The following STK32C variants were observed in gnomAD, a reference collection of about 807,000 sequenced individuals.
STK32C encodes the protein serine/threonine-protein kinase 32C.
STK32C carries 31 observed loss-of-function variants against 56.5 expected under a neutral mutation model. The observed-to-expected ratio is 0.55, with a 90% CI of 0.41 to 0.74. The LOEUF (loss-of-function observed/expected upper bound fraction) is 0.74, where lower values mean the gene tolerates loss of function less well. STK32C is among the 30% of genes least tolerant of loss of function. The pLI, the probability that STK32C is intolerant of heterozygous loss-of-function variation, is 0.00. For synonymous variants in STK32C, 309 were observed against 289.4 expected (o/e 1.07, Z -0.69); for missense variants, 544 against 676.9 (o/e 0.80, Z 2.18).
At chr10:132,284,685 C>G in intron 1 of STK32C, among the ~76,000 whole-genome samples, 1 of 151,228 alleles carries the variant, frequency 6.6e-6, no homozygotes, top group South Asian at 2.1e-4. Flanking sequence ...AACACATTCC[C>G]ACATCTGCCC....
Position 132,225,559 on chromosome 10 carries a change from G to A in STK32C, c.740C>T (p.Ala247Val), listed in dbSNP as rs201147807. ...CGGCTTGGTGCCTGCTAATGCCGTC[G>A]CCCGCTCCCCGTCCTTGATGATGGT... ...IATIIKDGER[A>V]TALAGTKPYM... Residue 247 changes from alanine (A) to valine (V), a missense_variant, in exon 6 of 12, where the codon GCG becomes GTG. By Grantham distance (64) the Ala-to-Val change is moderately conservative. This residue lies in a region of STK32C where 85 missense variants were observed against 149.9 expected (regional missense o/e 0.57). Coordinates refer to ENST00000298630, the MANE Select transcript of STK32C (RefSeq NM_173575.4). 38 of 1,613,798 alleles carry A rather than the reference G, an allele frequency of 2.4e-5. No individual in the cohort carries two copies. Among genetic ancestry groups the A allele is most frequent in the East Asian group, 4.5e-5 (2 of 44,878 alleles).
At chr10:132,311,512 A>C (rs567039858), upstream of STK32C, among the ~76,000 whole-genome samples, 1 of 152,324 alleles carries the variant, frequency 6.6e-6, no homozygotes, top group South Asian at 2.1e-4. The surrounding 1 kb of genome is among the most constrained non-coding windows in gnomAD (Gnocchi z 4.4). Context: ...CTTGGTTGCT[A>C]TGGTGACAGT....
At chr10:132,234,348 G>A (rs192402924) in intron 2 of STK32C, among the ~76,000 whole-genome samples, 17 of 152,264 alleles carry the variant, frequency 1.1e-4, no homozygotes, top group East Asian at 5.8e-4. Flanking sequence ...GCACCTCCAC[G>A]TCCCTTCCTC....
chr10:132,265,665 A>C (rs1478755585), intron 1 of STK32C, among the ~76,000 whole-genome samples: 2 of 152,244 alleles, frequency 1.3e-5, no homozygotes, highest in African/African-American at 4.8e-5. Flanking sequence ...GGCACACACA[A>C]GGCAGTAATA....
chr10:132,228,357 G>C (rs1453274288), intron 2 of STK32C, among the ~76,000 whole-genome samples: 1 of 152,162 alleles, frequency 6.6e-6, no homozygotes, highest in Non-Finnish European at 1.5e-5. Context: ...TGGAGGCCGT[G>C]ATTCTGCCCC....
intron 1 of STK32C, among the ~76,000 whole-genome samples, chr10:132,258,195 G>T (rs2064189664): frequency 6.6e-6 from 1 of 152,248 alleles, no homozygotes; most frequent in Non-Finnish European, 1.5e-5. Context: ...TCCTGGATCT[G>T]CAGTGGACAG....
exon 1 of STK32C, chr10:132,331,622 G>A (rs1410646623): frequency 1.2e-6 from 2 of 1,612,776 alleles, no homozygotes; most frequent in East Asian, 2.2e-5. Flanking sequence ...GGGAAGGACA[G>A]GCAGCGAGGA....
At chr10:132,267,205 A>C (rs1203564610) in intron 1 of STK32C, among the ~76,000 whole-genome samples, 3 of 152,236 alleles carry the variant, frequency 2.0e-5, no homozygotes, top group African/African-American at 7.2e-5. Context: ...CTTTAGAAGC[A>C]GCAAGCCCAG....
chr10:132,253,852 C>T (rs978593606), intron 1 of STK32C, among the ~76,000 whole-genome samples: 1 of 152,364 alleles, frequency 6.6e-6, no homozygotes. Context: ...AAATGATCTG[C>T]CCTCCCGTGT....
chr10:132,321,876 G>A (rs957660177), downstream of STK32C, among the ~76,000 whole-genome samples: 8 of 152,186 alleles, frequency 5.3e-5, no homozygotes, highest in African/African-American at 1.4e-4. Context: ...GCATGATCCC[G>A]CGGGGCACAT....
At chr10:132,243,097 G>A (rs1227574277) in intron 2 of STK32C, among the ~76,000 whole-genome samples, 2 of 152,190 alleles carry the variant, frequency 1.3e-5, no homozygotes, top group African/African-American at 4.8e-5. Context: ...AGACCCTGGG[G>A]CAGCGACCTC....
At chr10:132,242,665 C>T (rs1039846382) in intron 2 of STK32C, among the ~76,000 whole-genome samples, 1 of 152,224 alleles carries the variant, frequency 6.6e-6, no homozygotes, top group African/African-American at 2.4e-5. Context: ...CCCCCCGCGC[C>T]CCCTTCTCCC....
intron 1 of STK32C, among the ~76,000 whole-genome samples, chr10:132,279,589 C>T (rs1457974754): frequency 5.3e-5 from 8 of 151,882 alleles, no homozygotes; most frequent in Admixed American, 5.2e-4. Context: ...CATGCCCACC[C>T]GCACTCCATG....
intron 10 of STK32C, among the ~76,000 whole-genome samples, chr10:132,217,796 T>TCCTC (rs1290472561): frequency 3.3e-5 from 5 of 152,172 alleles, no homozygotes; most frequent in Non-Finnish European, 7.3e-5. Context: ...TGTGACTTTC[T>TCCTC]CCTCCTTGCC....
intron 10 of STK32C, among the ~76,000 whole-genome samples, chr10:132,210,947 A>G (rs2637630): frequency 0.81 from 122,793 of 152,150 alleles, 49,756 homozygotes; most frequent in East Asian, 0.96. Context: ...GGTCCTGGGC[A>G]TTCCCCACAC....
chr10:132,238,891 A>T lies in STK32C; in HGVS notation c.318+7009T>A, dbSNP rs117694059. Reference sequence around the variant, plus strand: ...CGTTCATGTACACAGGTATGCACACACAGAGGAGCGGGCACGCTGGGTGGA... The same window carrying T: ...CGTTCATGTACACAGGTATGCACACTCAGAGGAGCGGGCACGCTGGGTGGA... On this transcript the variant is annotated intron_variant, in intron 2 of 11. Coordinates refer to ENST00000298630, the MANE Select transcript of STK32C (RefSeq NM_173575.4). 1.8e-3 allele frequency among the ~76,000 whole-genome samples: 280 copies of T among 152,330 alleles called. 7 individuals carry two copies. In the East Asian group the frequency reaches 0.048, roughly 26 times the overall value.
intron 2 of STK32C, among the ~76,000 whole-genome samples, chr10:132,243,798 T>C (rs1433268545): frequency 6.6e-6 from 1 of 151,456 alleles, no homozygotes; most frequent in Non-Finnish European, 1.5e-5. Context: ...CTCTACCCGG[T>C]CAGACTCTAA....
intron 1 of STK32C, among the ~76,000 whole-genome samples, chr10:132,300,947 AAC>A (rs1267381138): frequency 2.0e-5 from 3 of 152,180 alleles, no homozygotes; most frequent in Admixed American, 6.5e-5. Context: ...GGTTCAGAGA[AAC>A]ACACAGCTCA....
chr10:132,224,756 G>A (rs377571830), intron 7 of STK32C, among the ~76,000 whole-genome samples: 69 of 152,232 alleles, frequency 4.5e-4, no homozygotes, highest in African/African-American at 1.6e-3. Flanking sequence ...GATCCCAGGG[G>A]GCCTGGGTCC....
Sources: gnomAD v4.1 joint callset for allele counts (sites outside exome capture counted in the v4.1 genomes callset) on GRCh38, gnomAD v4.1.1 for gene constraint, gnomAD v4.1.1 regional missense constraint, Gnocchi (gnomAD v3.1) non-coding constraint, MANE v1.5 for transcripts, NCBI Gene and HGNC (gene_info 2026-07-23, HGNC 2026-07-21) for gene names.